Variants in SUGCT observed in about 807,000 individuals in gnomAD.
SUGCT encodes the protein succinyl-CoA:glutarate CoA-transferase.
In SUGCT, 41 loss-of-function variants were observed where a neutral mutation model predicts 55.0. The ratio of observed to expected loss-of-function variants is 0.74; its 90% CI spans 0.58 to 0.97. The LOEUF is 0.97. SUGCT is among the 50% of genes least tolerant of loss of function. The probability of loss-of-function intolerance (pLI) is 0.00; values close to 1 mark genes in which losing one functional copy is unlikely to be tolerated. For synonymous variants in SUGCT, 187 were observed against 200.4 expected, an observed-to-expected ratio of 0.93 and a Z score of 0.56; for missense variants, 568 against 547.8, an observed-to-expected ratio of 1.04 and a Z score of -0.37.
intron 12 of SUGCT, among the ~76,000 whole-genome samples, chr7:40,628,993 C>T (rs78834953): frequency 0.012 from 1,898 of 152,252 alleles, 41 homozygotes; most frequent in African/African-American, 0.043. Flanking sequence ...AGGATTTACT[C>T]TGTTTCAGCA....
intron 12 of SUGCT, among the ~76,000 whole-genome samples, chr7:40,642,828 G>A (rs1203274490): frequency 6.6e-6 from 1 of 152,002 alleles, no homozygotes; most frequent in Admixed American, 6.6e-5. Context: ...CCACCTCACC[G>A]CCTCCTTGCT....
the SUGCT span, among the ~76,000 whole-genome samples, chr7:40,921,815 T>C: frequency 6.6e-6 from 1 of 152,164 alleles, no homozygotes; most frequent in East Asian, 1.9e-4. Context: ...TGTGCATGTA[T>C]GAGCATGCAA....
intron 11 of SUGCT, among the ~76,000 whole-genome samples, chr7:40,489,371 A>G (rs945111009): frequency 6.6e-6 from 1 of 151,874 alleles, no homozygotes; most frequent in African/African-American, 2.4e-5. Context: ...CTTTAAGTTC[A>G]CTGAGCTTCC....
intron 13 of SUGCT, among the ~76,000 whole-genome samples, chr7:40,790,403 T>G (rs1474143695): frequency 6.6e-6 from 1 of 152,226 alleles, no homozygotes; most frequent in Non-Finnish European, 1.5e-5. Flanking sequence ...TTAAACTTTT[T>G]TCCTTATTAA....
At position 40,425,576 on chromosome 7, in the gene SUGCT, T is replaced by C. The variant is rs559325472; in HGVS notation, c.817-23711T>C. Reference sequence around the variant, plus strand: ...GACACAATTAAGCTTTTTTGTTTTTTTAAAACTTATGAGAGGCGGTGCTGG... The same window carrying C: ...GACACAATTAAGCTTTTTTGTTTTTCTAAAACTTATGAGAGGCGGTGCTGG... On this transcript the variant is annotated intron_variant, in intron 9 of 13. Transcript: ENST00000335693. Among the ~76,000 whole-genome samples the C allele has an allele frequency of 7.2e-5, 11 of 152,254 alleles. 1 individual carries two copies. The South Asian group carries it at 1.9e-3, about 26-fold the overall frequency.
chr7:40,708,109 G>A (rs949356663), intron 12 of SUGCT, among the ~76,000 whole-genome samples: 25 of 152,138 alleles, frequency 1.6e-4, no homozygotes, highest in Admixed American at 1.4e-3. Context: ...AAGGATACTT[G>A]CCATGTCTCC....
At chr7:40,797,440 G>A (rs1790602491) in intron 13 of SUGCT, among the ~76,000 whole-genome samples, 1 of 152,022 alleles carries the variant, frequency 6.6e-6, no homozygotes, top group Admixed American at 6.6e-5. Flanking sequence ...TGTATTCACT[G>A]TCTGGATTAT....
At chr7:41,000,669 A>G in the SUGCT span, among the ~76,000 whole-genome samples, 5 of 152,192 alleles carry the variant, frequency 3.3e-5, no homozygotes, top group African/African-American at 1.2e-4. Flanking sequence ...TAGTGGTGTG[A>G]TCTGATTTAT....
At chr7:40,286,192 A>G (rs1793326409) in intron 8 of SUGCT, among the ~76,000 whole-genome samples, 2 of 152,164 alleles carry the variant, frequency 1.3e-5, no homozygotes, top group Non-Finnish European at 1.5e-5. Flanking sequence ...GTAGTTGGAG[A>G]TATAGACAAC....
chr7:40,458,433 A>G (rs756486346), intron 10 of SUGCT, among the ~76,000 whole-genome samples: 33 of 152,350 alleles, frequency 2.2e-4, no homozygotes, highest in Non-Finnish European at 4.6e-4. Flanking sequence ...GAGGAAATCT[A>G]TAAAAGCATT....
At chr7:40,692,288 A>G (rs4119077) in intron 12 of SUGCT, among the ~76,000 whole-genome samples, 26,081 of 152,208 alleles carry the variant, frequency 0.17, 2,602 homozygotes, top group Non-Finnish European at 0.23. Context: ...ACTCGGTTCT[A>G]TAAAAACTAC....
Position 40,549,334 on chromosome 7 carries a change from A to G in SUGCT, c.1089+52948A>G, listed in dbSNP as rs112910130. Among the ~76,000 whole-genome samples, 1,033 of 152,340 alleles carry G rather than the reference A, an allele frequency of 6.8e-3. 16 individuals are homozygous for G. Among genetic ancestry groups the G allele is most frequent in the African/African-American group, 0.023 (961 of 41,578 alleles). ...GAATTATGAATAGAAAATATTAAAA[A>G]TAAAACTCTTTTGTAATGACTAGGA... is the stretch of plus-strand genomic sequence containing the variant. On this transcript the variant is annotated intron_variant, in intron 12 of 13. Transcript: ENST00000335693.
intron 1 of SUGCT, among the ~76,000 whole-genome samples, chr7:40,139,028 C>A (rs1455376963): frequency 6.6e-6 from 1 of 151,892 alleles, no homozygotes; most frequent in Non-Finnish European, 1.5e-5. Flanking sequence ...AATCCTACCA[C>A]TTTGGGAGGC....
chr7:40,463,566 C>T (rs150916671), intron 11 of SUGCT, among the ~76,000 whole-genome samples: 175 of 152,164 alleles, frequency 1.2e-3, no homozygotes, highest in African/African-American at 4.0e-3. Flanking sequence ...AGTCACTTAC[C>T]TCAGTTCTCT....
intron 12 of SUGCT, among the ~76,000 whole-genome samples, chr7:40,548,635 G>T (rs1365926459): frequency 6.6e-6 from 1 of 152,014 alleles, no homozygotes; most frequent in East Asian, 1.9e-4. Flanking sequence ...CCCACCCCCA[G>T]AGTTGTACAT....
chr7:40,344,415 T>C (rs376899829), intron 9 of SUGCT, among the ~76,000 whole-genome samples: 15 of 152,192 alleles, frequency 9.9e-5, no homozygotes, highest in African/African-American at 3.6e-4. Context: ...GCTGATTTTA[T>C]GTGACCCATG....
the SUGCT span, among the ~76,000 whole-genome samples, chr7:40,888,458 A>T: frequency 6.6e-6 from 1 of 152,134 alleles, no homozygotes; most frequent in African/African-American, 2.4e-5. Flanking sequence ...CAAAAAAAAA[A>T]AAAAGAAGAA....
At chr7:40,882,910 G>A in the SUGCT span, among the ~76,000 whole-genome samples, 1 of 152,104 alleles carries the variant, frequency 6.6e-6, no homozygotes, top group Non-Finnish European at 1.5e-5. Context: ...TCAAAAACTT[G>A]AGCCCATCTC....
At chr7:41,014,748 GA>G in the SUGCT span, among the ~76,000 whole-genome samples, 1 of 152,152 alleles carries the variant, frequency 6.6e-6, no homozygotes, top group African/African-American at 2.4e-5. Flanking sequence ...AGATCCCTAA[GA>G]AAAAATTTAC....
Sources: gnomAD v4.1 joint callset for allele counts (sites outside exome capture counted in the v4.1 genomes callset) on GRCh38, gnomAD v4.1.1 for gene constraint, MANE v1.5 for transcripts, NCBI Gene and HGNC (gene_info 2026-07-23, HGNC 2026-07-21) for gene names.